The following TMEM120B variants were observed in gnomAD, a reference collection of about 807,000 sequenced individuals.
TMEM120B encodes transmembrane protein 120B.
A neutral mutation model predicts 55.5 loss-of-function variants in TMEM120B; 31 were observed. The observed-to-expected ratio is 0.56, with a 90% CI of 0.42 to 0.75. TMEM120B has a LOEUF of 0.75. Ranked by LOEUF, TMEM120B falls within the 30% of genes least tolerant of loss-of-function variation. The pLI is 0.00. For synonymous variants in TMEM120B, 203 were observed against 176.3 expected (o/e 1.15, Z -1.20); for missense variants, 399 against 425.5 (o/e 0.94, Z 0.55).
intron 6 of TMEM120B, among the ~76,000 whole-genome samples, chr12:121,770,557 G>T (rs1874007929): frequency 6.6e-6 from 1 of 151,780 alleles, no homozygotes; most frequent in African/African-American, 2.4e-5. Flanking sequence ...AGACCTGGTG[G>T]GGAGGACAGG....
intron 5 of TMEM120B, among the ~76,000 whole-genome samples, chr12:121,756,059 A>G (rs891447810): frequency 6.6e-6 from 1 of 152,180 alleles, no homozygotes; most frequent in African/African-American, 2.4e-5. Context: ...GCGATCATCT[A>G]TGCAAAATGC....
chr12:121,728,785 C>T (rs1894945893), intron 1 of TMEM120B, among the ~76,000 whole-genome samples: 1 of 152,176 alleles, frequency 6.6e-6, no homozygotes, highest in Admixed American at 6.6e-5. Flanking sequence ...CTTTCATCTA[C>T]CTCTCTGCCC....
At chr12:121,770,693 G>A (rs1338846070) in intron 6 of TMEM120B, among the ~76,000 whole-genome samples, 1 of 152,142 alleles carries the variant, frequency 6.6e-6, no homozygotes. Flanking sequence ...AAGCCCAAGT[G>A]GGAGTCCAGG....
Position 121,780,501 on chromosome 12 carries a change from G to C in TMEM120B, c.*4779G>C. 1 of 379,694 alleles carries C rather than the reference G, an allele frequency of 2.6e-6. No homozygotes were observed. Among genetic ancestry groups the C allele is most frequent in the Non-Finnish European group, 4.7e-6 (1 of 210,710 alleles). 23.5% of individuals were successfully genotyped at this position (379,694 alleles called of 1,614,324 possible). A position where few individuals can be genotyped will look rare whatever the true frequency, so the allele number is the denominator to read the frequency against. On this transcript the variant is annotated 3_prime_UTR_variant, in exon 12 of 12. Coordinates refer to ENST00000449592, the MANE Select transcript of TMEM120B (RefSeq NM_001080825.2). ...AAGGGGACGCCTACTTTCAAACAAG[G>C]CAGACAGGACACGACAGGACGGCGG... is the stretch of plus-strand genomic sequence containing the variant.
chr12:121,712,831 T>TG lies in TMEM120B; in HGVS notation c.-59dup, dbSNP rs1480148894. 4.0e-6 allele frequency: 5 copies of TG among 1,258,134 alleles called. No homozygotes were observed. The highest frequency in any genetic ancestry group is 1.6e-5 in the African/African-American group (1 of 62,798). 77.9% of individuals were successfully genotyped at this position (1,258,134 alleles called of 1,614,324 possible). A position where few individuals can be genotyped will look rare whatever the true frequency, so the allele number is the denominator to read the frequency against. The stretch of plus-strand genomic sequence containing the variant: ...CGGCGAGCGCGCGGGCGTGGGGCGC[T>TG]GGGGGGCCGGTCGGGCAGCGCTGCG... On this transcript the variant is annotated 5_prime_UTR_variant, in exon 1 of 12. Coordinates refer to ENST00000449592, the MANE Select transcript of TMEM120B (RefSeq NM_001080825.2).
intron 2 of TMEM120B, 49 bp downstream of exon 2, chr12:121,743,796 G>T (rs759115979): frequency 7.3e-7 from 1 of 1,368,400 alleles, no homozygotes; most frequent in Admixed American, 1.8e-5. Context: ...AGGGACAGAA[G>T]TCCAACTCAA....
intron 1 of TMEM120B, among the ~76,000 whole-genome samples, chr12:121,742,489 A>G (rs1872960948): frequency 6.6e-6 from 1 of 152,186 alleles, no homozygotes; most frequent in Admixed American, 6.6e-5. Context: ...TTGTTTTTCA[A>G]TGTTTTTTAA....
rs1466781677 is a variant in TMEM120B at position 121,771,495 on chromosome 12, G to A, written c.625G>A (p.Gly209Arg). The A allele has an allele frequency of 6.2e-7, 1 of 1,613,814 alleles. No homozygotes were observed. Among genetic ancestry groups the A allele is most frequent in the African/African-American group, 1.3e-5 (1 of 74,854 alleles). ...LSGVMLTWPNGPIYQKFRNQF... is the reference protein window; with the variant it reads ...LSGVMLTWPNRPIYQKFRNQF... ...TTCCTACCTTCTCTCCAGGCCTAATGGACCCATTTATCAGAAGTTTCGCAA... is the reference window on the plus strand; with the variant it reads ...TTCCTACCTTCTCTCCAGGCCTAATAGACCCATTTATCAGAAGTTTCGCAA... The change falls in exon 8 of 12, where the codon GGA (glycine) becomes AGA (arginine). Residue 209 changes from glycine (G) to arginine (R), a missense_variant. Physicochemically the swap from Gly to Arg is moderately radical, Grantham distance 125. Around this residue, in one of 3 missense-constraint regions of TMEM120B, gnomAD observed 260 missense variants for 303.9 expected, o/e 0.86. Coordinates refer to ENST00000449592, the MANE Select transcript of TMEM120B (RefSeq NM_001080825.2).
Position 121,780,577 on chromosome 12 carries a change from A to G in TMEM120B, c.*4855A>G. ...GTGGATGGGACCAGATCCTGGCTCCACTTCTCGCTAGCTGTGTGGCCCTGG... is the reference window on the plus strand; with the variant it reads ...GTGGATGGGACCAGATCCTGGCTCCGCTTCTCGCTAGCTGTGTGGCCCTGG... On this transcript the variant is annotated 3_prime_UTR_variant, in exon 12 of 12. Transcript: ENST00000449592. 1.9e-6 allele frequency: 1 copy of G among 513,996 alleles called. No individual in the cohort carries two copies. The highest frequency in any genetic ancestry group is 3.4e-6 in the Non-Finnish European group (1 of 292,434). The allele number at this position is 513,996 out of a possible 1,614,324, so 31.8% of individuals were successfully genotyped here.
chr12:121,780,788 A>G lies in TMEM120B; in HGVS notation c.*5066A>G. The G allele has an allele frequency of 6.8e-7, 1 of 1,481,054 alleles. No homozygotes were observed. Among genetic ancestry groups the G allele is most frequent in the Non-Finnish European group, 9.1e-7 (1 of 1,103,340 alleles). 91.7% of individuals were successfully genotyped at this position (1,481,054 alleles called of 1,614,324 possible). ...GCTTCCCTCAGCTCCCTGAAAGGCC[A>G]CTAAGGCACCCCAGTTGCAGAGGCC... On this transcript the variant is annotated 3_prime_UTR_variant, in exon 12 of 12. Coordinates refer to ENST00000449592, the MANE Select transcript of TMEM120B (RefSeq NM_001080825.2).
At chr12:121,754,175 C>A (rs976419185) in intron 5 of TMEM120B, among the ~76,000 whole-genome samples, 1 of 152,242 alleles carries the variant, frequency 6.6e-6, no homozygotes, top group Non-Finnish European at 1.5e-5. Context: ...GGCCCGTGCT[C>A]GCCTGCTGCC....
intron 6 of TMEM120B, among the ~76,000 whole-genome samples, chr12:121,762,020 C>T (rs531423963): frequency 5.3e-5 from 8 of 152,160 alleles, no homozygotes; most frequent in Non-Finnish European, 8.8e-5. Context: ...CGGCATGGCA[C>T]GGTGGCTCAC....
chr12:121,724,311 A>G (rs1236306818), intron 1 of TMEM120B, among the ~76,000 whole-genome samples: 2 of 152,092 alleles, frequency 1.3e-5, no homozygotes, highest in Non-Finnish European at 2.9e-5. Context: ...CTGGGATTAC[A>G]GGTGTGAGCA....
rs1236443084 is a variant in TMEM120B at position 121,779,553 on chromosome 12, C to T, written c.*3831C>T. 3 of 1,613,960 alleles carry T rather than the reference C, an allele frequency of 1.9e-6. 1 individual carries two copies. The highest frequency in any genetic ancestry group is 4.5e-5 in the East Asian group (2 of 44,900). On this transcript the variant is annotated 3_prime_UTR_variant, in exon 12 of 12. Transcript: ENST00000449592. Reference sequence around the variant, plus strand: ...CTGCCGTTGCGCCTTCTTCAGAGCGCTGAGAGCCACCTTGGCGGCCTCCCG... The same window carrying T: ...CTGCCGTTGCGCCTTCTTCAGAGCGTTGAGAGCCACCTTGGCGGCCTCCCG...
At chr12:121,755,301 G>C (rs1242740265) in intron 5 of TMEM120B, among the ~76,000 whole-genome samples, 1 of 152,166 alleles carries the variant, frequency 6.6e-6, no homozygotes, top group African/African-American at 2.4e-5. Context: ...GTGACCTGAA[G>C]TGGATCCCTG....
At chr12:121,755,193 C>A (rs1007427017) in intron 5 of TMEM120B, among the ~76,000 whole-genome samples, 1 of 152,180 alleles carries the variant, frequency 6.6e-6, no homozygotes, top group African/African-American at 2.4e-5. Flanking sequence ...TGGCTAGGCT[C>A]CCCACCCGGA....
chr12:121,739,826 CAG>C (rs1172691389), intron 1 of TMEM120B, among the ~76,000 whole-genome samples: 2 of 119,320 alleles, frequency 1.7e-5, no homozygotes, highest in South Asian at 2.7e-4. Flanking sequence ...TTTTTTGAGA[CAG>C]AGTGCAGTGG....
chr12:121,713,716 T>C lies in TMEM120B; in HGVS notation c.69+752T>C, dbSNP rs916297469. Among the ~76,000 whole-genome samples the C allele has an allele frequency of 1.8e-4, 28 of 152,106 alleles. 1 individual carries two copies. Among genetic ancestry groups the C allele is most frequent in the African/African-American group, 6.8e-4 (28 of 41,424 alleles). On this transcript the variant is annotated intron_variant, in intron 1 of 11. Transcript: ENST00000449592. ...GAGCGGTCCTGGCAGCAGTTGTTCC[T>C]GCTAAGAGGTTCAGAGAGGCCCCAG...
Position 121,743,633 on chromosome 12 carries a change from C to T in TMEM120B, c.74C>T (p.Thr25Met), listed in dbSNP as rs753258382. The change falls in exon 2 of 12, where the codon ACG becomes ATG. Residue 25 changes from threonine (T) to methionine (M), a missense_variant. This residue lies in a region of TMEM120B where 133 missense variants were observed against 104.1 expected (regional missense o/e 1.28). Transcript: ENST00000449592. ...LEGEFQELQE[T>M]HRIYKQKLEE... is the part of the protein sequence containing the mutation. ...CCCGGGTCCCCTGTTCTTCAGGAGACGCACAGGATCTACAAGCAGAAGCTG... is the reference window on the plus strand; with the variant it reads ...CCCGGGTCCCCTGTTCTTCAGGAGATGCACAGGATCTACAAGCAGAAGCTG... 1.9e-5 allele frequency: 30 copies of T among 1,612,358 alleles called. No individual in the cohort carries two copies. Among genetic ancestry groups the T allele is most frequent in the African/African-American group, 5.3e-5 (4 of 74,786 alleles).
Sources: allele counts gnomAD v4.1 joint callset (sites outside exome capture counted in the v4.1 genomes callset), GRCh38; gene constraint gnomAD v4.1.1; regional missense constraint gnomAD v4.1.1; transcripts MANE v1.5; gene names NCBI Gene and HGNC (gene_info 2026-07-23, HGNC 2026-07-21).